THSD4: variants seen among roughly 807,000 people sequenced by gnomAD.
THSD4 encodes the protein thrombospondin type 1 domain containing 4.
Under a neutral mutation model 119.0 loss-of-function variants are expected in THSD4, and 69 were observed. The observed-to-expected ratio is 0.58, with a 90% CI of 0.48 to 0.71. The LOEUF is 0.71. Among genes scored for constraint, THSD4 ranks in the 30% least tolerant of loss-of-function variants. THSD4 has a pLI of 0.00. For missense variants in THSD4, 1,393 were observed against 1,391.1 expected, an observed-to-expected ratio of 1.00 and a Z score of -0.02; for synonymous variants, 524 against 540.4, an observed-to-expected ratio of 0.97 and a Z score of 0.42.
chr15:71,691,619 G>A (rs1268092610), intron 8 of THSD4, among the ~76,000 whole-genome samples: 1 of 152,200 alleles, frequency 6.6e-6, no homozygotes, highest in Non-Finnish European at 1.5e-5. Context: ...ACTACAGAAT[G>A]TACTCCTGGT....
intron 8 of THSD4, among the ~76,000 whole-genome samples, chr15:71,668,686 T>C (rs1000021620): frequency 1.3e-5 from 2 of 152,152 alleles, no homozygotes; most frequent in Non-Finnish European, 2.9e-5. Context: ...TGCTGACTGG[T>C]ACCCCACTCT....
At chr15:71,239,641 G>A (rs1325867937) in intron 4 of THSD4, among the ~76,000 whole-genome samples, 1 of 152,192 alleles carries the variant, frequency 6.6e-6, no homozygotes, top group Non-Finnish European at 1.5e-5. Context: ...GGGTTCTGGG[G>A]AGACTAAGCC....
chr15:71,655,943 A>G (rs745467109), intron 7 of THSD4, among the ~76,000 whole-genome samples: 2 of 152,166 alleles, frequency 1.3e-5, no homozygotes, highest in African/African-American at 2.4e-5. Flanking sequence ...GAAGTGACCA[A>G]TCCAGCATCA....
At chr15:71,775,698 G>A (rs932752189) in intron 17 of THSD4, among the ~76,000 whole-genome samples, 2 of 152,054 alleles carry the variant, frequency 1.3e-5, no homozygotes, top group African/African-American at 2.4e-5. Flanking sequence ...GTGATACAGC[G>A]AGACTCCGTC....
intron 7 of THSD4, among the ~76,000 whole-genome samples, chr15:71,476,693 A>G (rs1396871931): frequency 6.6e-6 from 1 of 152,140 alleles, no homozygotes. Context: ...AGCTAATACT[A>G]TTTTCTTTTA....
chr15:71,624,937 A>G (rs1254845054), intron 7 of THSD4, among the ~76,000 whole-genome samples: 1 of 152,158 alleles, frequency 6.6e-6, no homozygotes, highest in African/African-American at 2.4e-5. Context: ...GGTGGCTGGG[A>G]TGGGATCCAG....
chr15:71,577,673 T>G (rs1002240141), intron 7 of THSD4, among the ~76,000 whole-genome samples: 1 of 130,424 alleles, frequency 7.7e-6, no homozygotes, highest in Non-Finnish European at 1.7e-5. Context: ...TCTTGGCATT[T>G]ATGAAAGCCA....
intron 7 of THSD4, among the ~76,000 whole-genome samples, chr15:71,565,350 T>TA (rs1187690110): frequency 6.6e-6 from 1 of 152,182 alleles, no homozygotes; most frequent in Admixed American, 6.5e-5. Flanking sequence ...ATCACAGATG[T>TA]ACCCACATAA....
intron 1 of THSD4, among the ~76,000 whole-genome samples, chr15:71,097,798 T>C (rs1014710409): frequency 6.6e-6 from 1 of 151,924 alleles, no homozygotes; most frequent in South Asian, 2.1e-4. Flanking sequence ...CATTGCTCTA[T>C]AGATTACTCT....
chr15:71,271,217 A>G (rs1168715887), intron 6 of THSD4, among the ~76,000 whole-genome samples: 3 of 152,208 alleles, frequency 2.0e-5, no homozygotes, highest in African/African-American at 7.2e-5. Context: ...ACTGGTAACA[A>G]CCCAAATATC....
At chr15:71,557,552 A>G (rs2049040121) in intron 7 of THSD4, among the ~76,000 whole-genome samples, 2 of 152,130 alleles carry the variant, frequency 1.3e-5, no homozygotes, top group African/African-American at 2.4e-5. Context: ...ATATAAAATT[A>G]TTGTAATTTA....
chr15:71,665,732 A>G (rs1303090169), intron 8 of THSD4, among the ~76,000 whole-genome samples: 1 of 152,170 alleles, frequency 6.6e-6, no homozygotes, highest in Non-Finnish European at 1.5e-5. Flanking sequence ...CAGTTCTCCC[A>G]GGACCACTTA....
rs150056414 is a variant in THSD4, at chr15:71,595,497, C to T, written c.1153-65033C>T. 7.5e-4 allele frequency among the ~76,000 whole-genome samples: 114 copies of T among 152,282 alleles called. 1 individual carries two copies. Among genetic ancestry groups the T allele is most frequent in the South Asian group, 2.7e-3 (13 of 4,820 alleles). ...GTGCCTTTCGCCTCCTGCCATGATTCGGAGGCCTACCCAGCCATGTGGAAC... is the reference window on the plus strand; with the variant it reads ...GTGCCTTTCGCCTCCTGCCATGATTTGGAGGCCTACCCAGCCATGTGGAAC... On this transcript the variant is annotated intron_variant, in intron 7 of 17. Transcript: ENST00000261862.
chr15:71,302,109 G>C (rs530182397), intron 6 of THSD4, among the ~76,000 whole-genome samples: 2 of 152,200 alleles, frequency 1.3e-5, no homozygotes, highest in Non-Finnish European at 2.9e-5. Flanking sequence ...ACCCAGAAAC[G>C]CATTCCACAT....
chr15:71,268,671 CTG>C (rs1375424395), intron 6 of THSD4, among the ~76,000 whole-genome samples: 2 of 127,104 alleles, frequency 1.6e-5, no homozygotes, highest in African/African-American at 2.6e-5. Context: ...AATCCAGGAA[CTG>C]TTTTTTTTTT....
intron 1 of THSD4, among the ~76,000 whole-genome samples, chr15:71,135,991 G>GTTTTTTTTTTTTTTTTTTTT: frequency 1.4e-5 from 1 of 69,102 alleles, no homozygotes; most frequent in African/African-American, 5.0e-5. Flanking sequence ...GTTTAGTTTA[G>GTTTTTTTTTTTTTTTTTTTT]TTTTTTTTTT....
At chr15:71,675,605 G>T (rs1001487545) in intron 8 of THSD4, among the ~76,000 whole-genome samples, 37 of 152,140 alleles carry the variant, frequency 2.4e-4, no homozygotes, top group African/African-American at 8.7e-4. Context: ...GACCTCGCTC[G>T]TGGTACTGGA....
intron 12 of THSD4, among the ~76,000 whole-genome samples, chr15:71,746,162 A>G (rs879631526): frequency 2.0e-5 from 3 of 152,244 alleles, no homozygotes; most frequent in Non-Finnish European, 4.4e-5. Flanking sequence ...AAATAATGCT[A>G]GAATAAGATT....
chr15:71,770,607 A>T (rs1322653534), intron 16 of THSD4, among the ~76,000 whole-genome samples: 1 of 152,190 alleles, frequency 6.6e-6, no homozygotes, highest in Non-Finnish European at 1.5e-5. Context: ...GCAAGCCGAG[A>T]TCACGCCACT....
Sources: gnomAD v4.1 joint callset for allele counts (sites outside exome capture counted in the v4.1 genomes callset) on GRCh38, gnomAD v4.1.1 for gene constraint, MANE v1.5 for transcripts, NCBI Gene and HGNC (gene_info 2026-07-23, HGNC 2026-07-21) for gene names.